The following SHE variants were observed in gnomAD, a reference collection of about 807,000 sequenced individuals.
The protein encoded by SHE is Src homology 2 domain containing E, also known as SH2 domain-containing adapter protein E.
A neutral mutation model predicts 49.8 loss-of-function variants in SHE; 11 were observed. That is an observed-to-expected ratio of 0.22 (90% CI 0.14 to 0.37). The LOEUF is 0.37. Among genes scored for constraint, SHE ranks in the 10% least tolerant of loss-of-function variants. The pLI is 1.00. For missense variants in SHE, 624 were observed against 655.5 expected, an observed-to-expected ratio of 0.95 and a Z score of 0.52; for synonymous variants, 310 against 278.1, an observed-to-expected ratio of 1.11 and a Z score of -1.14.
intron 1 of SHE, among the ~76,000 whole-genome samples, chr1:154,499,698 G>A (rs536570077): frequency 6.6e-6 from 1 of 152,254 alleles, no homozygotes; most frequent in Admixed American, 6.5e-5. Context: ...GCACTGTGAA[G>A]GAGTCAAAAT....
chr1:154,476,960 G>A (rs559179560), downstream of SHE, among the ~76,000 whole-genome samples: 33 of 152,302 alleles, frequency 2.2e-4, no homozygotes, highest in African/African-American at 7.7e-4. Context: ...TCACAAAGGG[G>A]AAGTAATTCT....
intron 3 of SHE, among the ~76,000 whole-genome samples, chr1:154,487,010 A>G (rs563904861): frequency 6.6e-6 from 1 of 152,162 alleles, no homozygotes; most frequent in Non-Finnish European, 1.5e-5. Context: ...ACGGTGGCTC[A>G]TGCCTGTAAT....
In SHE at chr1:154,481,499, T is replaced by C. The variant is rs1692017427; in HGVS notation, c.*2650A>G. ...AAGCTCAATAAATACTTAATGTATCTGGCCTGTTTTCAAGATGTTATTTCA... is the reference window on the plus strand; with the variant it reads ...AAGCTCAATAAATACTTAATGTATCCGGCCTGTTTTCAAGATGTTATTTCA... On this transcript the variant is annotated 3_prime_UTR_variant, in exon 6 of 6. Coordinates refer to ENST00000304760, the MANE Select transcript of SHE (RefSeq NM_001010846.3). 1 of 985,336 alleles carries C rather than the reference T, an allele frequency of 1.0e-6. No individual in the cohort carries two copies. The highest frequency in any genetic ancestry group is 1.2e-6 in the Non-Finnish European group (1 of 829,946). 61.0% of individuals were successfully genotyped at this position (985,336 alleles called of 1,614,324 possible).
Position 154,484,189 on chromosome 1 carries a change from T to A in SHE, c.1448A>T (p.His483Leu), listed in dbSNP as rs985728129. Reference sequence around the variant, plus strand: ...GTGCACTGGGTAGAGTAAAGTCATGTGTTCTGCCCCTTTGAAAGGCAACTT... The same window carrying A: ...GTGCACTGGGTAGAGTAAAGTCATGAGTTCTGCCCCTTTGAAAGGCAACTT... ...NEKLPFKGAE[H>L]MTLLYPVHSK... Residue 483 changes from histidine (H) to leucine (L), a missense_variant, in exon 6 of 6, where the codon CAC becomes CTC. Physicochemically the swap from His to Leu is moderately conservative, Grantham distance 99. Around this residue, in one of 4 missense-constraint regions of SHE, gnomAD observed 125 missense variants for 181.7 expected, o/e 0.69. Transcript: ENST00000304760. 1 of 1,614,108 alleles carries A rather than the reference T, an allele frequency of 6.2e-7. No homozygotes were observed. Among genetic ancestry groups the A allele is most frequent in the African/African-American group, 1.3e-5 (1 of 74,950 alleles).
intron 2 of SHE, among the ~76,000 whole-genome samples, chr1:154,496,871 A>G (rs952175783): frequency 6.6e-6 from 1 of 152,246 alleles, no homozygotes; most frequent in Non-Finnish European, 1.5e-5. Flanking sequence ...TACCTACTTC[A>G]GTTAAAGAGA....
chr1:154,501,467 T>C lies in SHE; in HGVS notation c.560A>G (p.Asp187Gly). 1 of 1,614,162 alleles carries C rather than the reference T, an allele frequency of 6.2e-7. No homozygotes were observed. Among genetic ancestry groups the C allele is most frequent in the South Asian group, 1.1e-5 (1 of 91,074 alleles). ...SSPSSLGPEL[D>G]KGKIIKQQET... ...TTGCTGCTTAATAATCTTGCCCTTG[T>C]CCAGCTCGGGCCCCAGGGAGGAAGG... Residue 187 changes from aspartate to glycine, a missense_variant, in exon 1 of 6, where the codon GAC becomes GGC. Physicochemically the swap from Asp to Gly is moderately conservative, Grantham distance 94. Transcript: ENST00000304760.
At chr1:154,478,237 C>T (rs994788415), downstream of SHE, among the ~76,000 whole-genome samples, 8 of 152,100 alleles carry the variant, frequency 5.3e-5, no homozygotes, top group African/African-American at 1.7e-4. Context: ...CGGAATGAAG[C>T]GCTGCTGATG....
intron 2 of SHE, among the ~76,000 whole-genome samples, chr1:154,498,458 C>T (rs960711462): frequency 1.3e-5 from 2 of 148,414 alleles, no homozygotes; most frequent in African/African-American, 2.5e-5. Context: ...AGTGCAGTGG[C>T]GCAATCTTGG....
chr1:154,485,268 C>T (rs1477213148), intron 5 of SHE: 1 of 152,190 alleles, frequency 6.6e-6, no homozygotes, highest in Non-Finnish European at 1.5e-5. Context: ...TTGCTCAACT[C>T]CCCCGCCCGA....
At chr1:154,497,902 C>G (rs1190444618) in intron 2 of SHE, among the ~76,000 whole-genome samples, 1 of 151,366 alleles carries the variant, frequency 6.6e-6, no homozygotes, top group Non-Finnish European at 1.5e-5. Flanking sequence ...AGGCTGATCT[C>G]GAACTCCCGA....
chr1:154,497,782 G>T (rs997638079), intron 2 of SHE, among the ~76,000 whole-genome samples: 1 of 151,958 alleles, frequency 6.6e-6, no homozygotes, highest in African/African-American at 2.4e-5. Flanking sequence ...CCGAGTTCAA[G>T]TGATTCTCCT....
Position 154,479,669 on chromosome 1 carries a change from CTATG to C in SHE, c.*4476_*4479del, listed in dbSNP as rs1571040186. On this transcript the variant is annotated 3_prime_UTR_variant, in exon 6 of 6. Transcript: ENST00000304760. ...CTTCAAACATTTTTAAAAGTTGAAA[CTATG>C]TATTAGTTGATATCTAAAATATTAA... is the stretch of plus-strand genomic sequence containing the variant. 1 of 978,294 alleles carries C rather than the reference CTATG, an allele frequency of 1.0e-6. No homozygotes were observed. The highest frequency in any genetic ancestry group is 1.2e-6 in the Non-Finnish European group (1 of 823,458). The allele number at this position is 978,294 out of a possible 1,614,324, so 60.6% of individuals were successfully genotyped here.
Position 154,482,923 on chromosome 1 carries a change from A to G in SHE, c.*1226T>C. ...TTGCATTTTTAAAAAATTTACTACA[A>G]AGCAAATCTAATTTTAGAGACAAAA... is the stretch of plus-strand genomic sequence containing the variant. On this transcript the variant is annotated 3_prime_UTR_variant, in exon 6 of 6. Coordinates refer to ENST00000304760, the MANE Select transcript of SHE (RefSeq NM_001010846.3). 1.0e-6 allele frequency: 1 copy of G among 984,998 alleles called. No homozygotes were observed. Among genetic ancestry groups the G allele is most frequent in the South Asian group, 4.7e-5 (1 of 21,272 alleles). The allele number at this position is 984,998 out of a possible 1,614,324, so 61.0% of individuals were successfully genotyped here.
In SHE at chr1:154,502,008, G is replaced by T; in HGVS notation, c.19C>A (p.Pro7Thr). Residue 7 changes from proline to threonine, a missense_variant, in exon 1 of 6, where the codon CCT becomes ACT. Physicochemically the swap from Pro to Thr is conservative, Grantham distance 38. Coordinates refer to ENST00000304760, the MANE Select transcript of SHE (RefSeq NM_001010846.3). Reference protein sequence around the residue: MQWSPTPGASACLGWAS... With the variant: MQWSPTTGASACLGWAS... ...CAGCCCAGACACGCAGAGGCGCCAG[G>T]GGTCGGGGACCACTGCATTCCCCGT... 1 of 1,387,514 alleles carries T rather than the reference G, an allele frequency of 7.2e-7. No homozygotes were observed. The highest frequency in any genetic ancestry group is 1.5e-5 in the African/African-American group (1 of 65,326). 86.0% of individuals were successfully genotyped at this position (1,387,514 alleles called of 1,614,324 possible).
At chr1:154,495,796 T>C (rs1269132654) in intron 2 of SHE, among the ~76,000 whole-genome samples, 3 of 152,060 alleles carry the variant, frequency 2.0e-5, no homozygotes, top group African/African-American at 7.2e-5. Context: ...GGCAGTATTC[T>C]ACACGCCCAA....
rs1366660402 is a variant in SHE at position 154,481,070 on chromosome 1, C to CA, written c.*3078dup. 1 of 985,294 alleles carries CA rather than the reference C, an allele frequency of 1.0e-6. No individual in the cohort carries two copies. Among genetic ancestry groups the CA allele is most frequent in the Non-Finnish European group, 1.2e-6 (1 of 829,940 alleles). The allele number at this position is 985,294 out of a possible 1,614,324, so 61.0% of individuals were successfully genotyped here. A position where few individuals can be genotyped will look rare whatever the true frequency, so the allele number is the denominator to read the frequency against. On this transcript the variant is annotated 3_prime_UTR_variant, in exon 6 of 6. Transcript: ENST00000304760. ...GAGGACTACAGGAAAATACTTGTCTCAAGACAAAATGACAAAAAGCCAGAG... is the reference window on the plus strand; with the variant it reads ...GAGGACTACAGGAAAATACTTGTCTCAAAGACAAAATGACAAAAAGCCAGAG...
At chr1:154,472,638 A>G (rs1691772232) in intron 1 of SHE, among the ~76,000 whole-genome samples, 1 of 152,214 alleles carries the variant, frequency 6.6e-6, no homozygotes, top group South Asian at 2.1e-4. Context: ...GGGCAATCAC[A>G]GTAGCATGAG....
chr1:154,481,743 G>A lies in SHE; in HGVS notation c.*2406C>T, dbSNP rs562080297. Reference sequence around the variant, plus strand: ...TAAAGATAATAAATATTTGTTGAATGGATGCTGAAAAAACCTTTTAAAATC... The same window carrying A: ...TAAAGATAATAAATATTTGTTGAATAGATGCTGAAAAAACCTTTTAAAATC... On this transcript the variant is annotated 3_prime_UTR_variant, in exon 6 of 6. Coordinates refer to ENST00000304760, the MANE Select transcript of SHE (RefSeq NM_001010846.3). The A allele has an allele frequency of 6.6e-5, 63 of 959,864 alleles. No individual in the cohort carries two copies. In the African/African-American group the frequency reaches 1.1e-3, roughly 16 times the overall value. 59.5% of individuals were successfully genotyped at this position (959,864 alleles called of 1,614,324 possible).
chr1:154,476,177 C>T (rs974114853), downstream of SHE, among the ~76,000 whole-genome samples: 13 of 151,986 alleles, frequency 8.6e-5, no homozygotes, highest in East Asian at 1.9e-4. Flanking sequence ...GAGACCTTGT[C>T]GCTACAAAAA....
Sources: allele counts gnomAD v4.1 joint callset (sites outside exome capture counted in the v4.1 genomes callset), GRCh38; gene constraint gnomAD v4.1.1; regional missense constraint gnomAD v4.1.1; transcripts MANE v1.5; gene names NCBI Gene and HGNC (gene_info 2026-07-23, HGNC 2026-07-21).